KCNJ3: variants seen among roughly 807,000 people sequenced by gnomAD.
The protein encoded by KCNJ3 is G protein-activated inward rectifier potassium channel 1.
KCNJ3 carries 4 observed loss-of-function variants against 39.2 expected under a neutral mutation model. The ratio of observed to expected loss-of-function variants is 0.10; its 90% CI spans 0.05 to 0.23. The LOEUF is 0.23. KCNJ3 is among the 10% of genes least tolerant of loss of function. The pLI is 1.00. For missense variants in KCNJ3, 276 were observed against 634.9 expected (o/e 0.43, Z 6.08); for synonymous variants, 230 against 237.4 (o/e 0.97, Z 0.29).
Position 154,703,481 on chromosome 2 carries a change from G to A in KCNJ3, c.702+4004G>A, listed in dbSNP as rs12463551. 7.9e-3 allele frequency among the ~76,000 whole-genome samples: 705 copies of A among 89,134 alleles called. 2 individuals are homozygous for A. The highest frequency in any genetic ancestry group is 0.019 in the African/African-American group (592 of 31,824). 58.5% of individuals were successfully genotyped at this position (89,134 alleles called of 152,430 possible). A position where few individuals can be genotyped will look rare whatever the true frequency, so the allele number is the denominator to read the frequency against. ...ACCTTCTTTTATCCTCCATATATAT[G>A]TGTGTGTGTGTGTGTGTGTGTGTGT... On this transcript the variant is annotated intron_variant, in intron 1 of 2. Coordinates refer to ENST00000295101, the MANE Select transcript of KCNJ3 (RefSeq NM_002239.4).
chr2:154,740,222 G>A (rs189518129), intron 2 of KCNJ3, among the ~76,000 whole-genome samples: 1 of 152,108 alleles, frequency 6.6e-6, no homozygotes, highest in East Asian at 1.9e-4. Context: ...ATTGGGATTG[G>A]AAACTAATTT....
At chr2:154,801,034 CT>C (rs1024282657) in intron 2 of KCNJ3, among the ~76,000 whole-genome samples, 16 of 152,124 alleles carry the variant, frequency 1.1e-4, no homozygotes, top group Non-Finnish European at 2.1e-4. Context: ...GACAGTCTCA[CT>C]TTTTTAAAGC....
Position 154,699,944 on chromosome 2 carries a change from A to AT in KCNJ3, c.702+474dup, listed in dbSNP as rs1414993341. On this transcript the variant is annotated intron_variant, in intron 1 of 2. Coordinates refer to ENST00000295101, the MANE Select transcript of KCNJ3 (RefSeq NM_002239.4). The surrounding 1 kb of genome is among the most constrained non-coding windows in gnomAD (Gnocchi z 6.4). Reference sequence around the variant, plus strand: ...TCAACTTTCACGATGGGCTTTTCTTATTTTTTTCTTTCCTTTTTTTCCCCC... The same window carrying AT: ...TCAACTTTCACGATGGGCTTTTCTTATTTTTTTTCTTTCCTTTTTTTCCCCC... Among the ~76,000 whole-genome samples the AT allele has an allele frequency of 6.6e-6, 1 of 151,776 alleles. No individual in the cohort carries two copies.
chr2:154,750,771 T>C (rs1327505999), intron 2 of KCNJ3, among the ~76,000 whole-genome samples: 1 of 152,018 alleles, frequency 6.6e-6, no homozygotes, highest in African/African-American at 2.4e-5. Context: ...CTCTTCCTTG[T>C]ATAGACCAAA....
At chr2:154,781,194 C>T (rs765713777) in intron 2 of KCNJ3, among the ~76,000 whole-genome samples, 3 of 152,096 alleles carry the variant, frequency 2.0e-5, no homozygotes, top group African/African-American at 7.2e-5. Flanking sequence ...GAATGCAGCC[C>T]GGCCAGCACC....
intron 2 of KCNJ3, among the ~76,000 whole-genome samples, chr2:154,762,343 G>C (rs1448511150): frequency 6.6e-6 from 1 of 152,192 alleles, no homozygotes; most frequent in Non-Finnish European, 1.5e-5. Flanking sequence ...AGTGTGAAGA[G>C]TTTGTTGGTT....
In KCNJ3 at chr2:154,854,945, A is replaced by G. The variant is rs1341391501; in HGVS notation, c.1138A>G (p.Lys380Glu). The G allele has an allele frequency of 6.2e-7, 1 of 1,614,024 alleles. No homozygotes were observed. The highest frequency in any genetic ancestry group is 2.2e-5 in the East Asian group (1 of 44,868). Reference protein sequence around the residue: ...PLIAPAITNSKERHNSVECLD... With the variant: ...PLIAPAITNSEERHNSVECLD... ...AATAGCACCAGCCATAACTAACAGC[A>G]AAGAAAGACATAATTCTGTGGAATG... The change falls in exon 3 of 3, where the codon AAA becomes GAA. Residue 380 changes from lysine to glutamate, a missense_variant. Physicochemically the swap from Lys to Glu is moderately conservative, Grantham distance 56. Coordinates refer to ENST00000295101, the MANE Select transcript of KCNJ3 (RefSeq NM_002239.4).
At chr2:154,786,512 T>TGAG (rs1271703070) in intron 2 of KCNJ3, among the ~76,000 whole-genome samples, 2 of 152,232 alleles carry the variant, frequency 1.3e-5, no homozygotes, top group Non-Finnish European at 2.9e-5. Context: ...ACCATTTATG[T>TGAG]GAGGAATGAA....
chr2:154,813,084 A>G (rs921741747), intron 2 of KCNJ3, among the ~76,000 whole-genome samples: 2 of 152,230 alleles, frequency 1.3e-5, no homozygotes, highest in African/African-American at 2.4e-5. Context: ...TTACACAGCT[A>G]GTTAGTAGCT....
intron 2 of KCNJ3, among the ~76,000 whole-genome samples, chr2:154,770,742 T>C (rs1025276122): frequency 3.3e-5 from 5 of 152,178 alleles, no homozygotes; most frequent in African/African-American, 1.2e-4. Context: ...TTGTAGTCTC[T>C]GGATGACAGC....
At chr2:154,771,797 T>C (rs1435035362) in intron 2 of KCNJ3, among the ~76,000 whole-genome samples, 1 of 152,110 alleles carries the variant, frequency 6.6e-6, no homozygotes, top group African/African-American at 2.4e-5. Context: ...GACAATACCT[T>C]AGATTGGGGT....
intron 2 of KCNJ3, among the ~76,000 whole-genome samples, chr2:154,796,885 G>T (rs1686729569): frequency 6.6e-6 from 1 of 152,006 alleles, no homozygotes; most frequent in African/African-American, 2.4e-5. Context: ...CAAAATACTT[G>T]CATCAAAATC....
chr2:154,781,093 C>T (rs867211545), intron 2 of KCNJ3, among the ~76,000 whole-genome samples: 3 of 152,020 alleles, frequency 2.0e-5, no homozygotes, highest in Non-Finnish European at 2.9e-5. Flanking sequence ...GGACAACTGG[C>T]CCTTTGAAGA....
intron 2 of KCNJ3, among the ~76,000 whole-genome samples, chr2:154,805,388 G>T (rs115723298): frequency 0.015 from 2,210 of 152,206 alleles, 30 homozygotes; most frequent in South Asian, 0.027. Context: ...GAGAAATCTT[G>T]TGAAGTATTT....
intron 2 of KCNJ3, among the ~76,000 whole-genome samples, chr2:154,731,541 T>C (rs1249246063): frequency 2.0e-5 from 3 of 152,038 alleles, no homozygotes; most frequent in Admixed American, 6.6e-5. Context: ...ACAAGTTAAG[T>C]ACATATTTGA....
intron 2 of KCNJ3, among the ~76,000 whole-genome samples, chr2:154,746,749 A>G (rs931325816): frequency 2.0e-5 from 3 of 151,588 alleles, no homozygotes; most frequent in Non-Finnish European, 2.9e-5. Context: ...GAAAATTCAT[A>G]AAGTCTTTTT....
intron 2 of KCNJ3, among the ~76,000 whole-genome samples, chr2:154,810,038 G>A (rs1005021509): frequency 2.2e-4 from 31 of 140,650 alleles, no homozygotes; most frequent in African/African-American, 7.8e-4. Flanking sequence ...ACTAAATACG[G>A]TTCTAACAAT....
chr2:154,714,713 CCT>C (rs754572379), intron 2 of KCNJ3, among the ~76,000 whole-genome samples: 8 of 152,172 alleles, frequency 5.3e-5, no homozygotes, highest in African/African-American at 1.2e-4. Flanking sequence ...ATCCCTGCCC[CCT>C]GTTTTTTCTT....
At chr2:154,740,684 T>C (rs1395084946) in intron 2 of KCNJ3, among the ~76,000 whole-genome samples, 1 of 151,976 alleles carries the variant, frequency 6.6e-6, no homozygotes, top group Non-Finnish European at 1.5e-5. Flanking sequence ...ACTCTCTTTT[T>C]AATCTCCTTT....
Sources: gnomAD v4.1 joint callset for allele counts (sites outside exome capture counted in the v4.1 genomes callset) on GRCh38, gnomAD v4.1.1 for gene constraint, Gnocchi (gnomAD v3.1) non-coding constraint, MANE v1.5 for transcripts, NCBI Gene and HGNC (gene_info 2026-07-23, HGNC 2026-07-21) for gene names.